Variants in ITM2C observed in about 807,000 individuals in gnomAD.
ITM2C encodes the protein integral membrane protein 2C.
A neutral mutation model predicts 30.0 loss-of-function variants in ITM2C; 20 were observed. The ratio of observed to expected loss-of-function variants is 0.67; its 90% confidence interval spans 0.47 to 0.97. The LOEUF is 0.97. Ranked by LOEUF, ITM2C falls within the 50% of genes least tolerant of loss-of-function variation. The pLI is 0.00. For synonymous variants in ITM2C, 167 were observed against 156.4 expected (o/e 1.07, Z -0.51); for missense variants, 366 against 371.9 (o/e 0.98, Z 0.13).
In ITM2C at chr2:230,878,892, G is replaced by A. The variant is rs144730701; in HGVS notation, c.*793G>A. On this transcript the variant is annotated 3_prime_UTR_variant, in exon 6 of 6. Transcript: ENST00000326427. This position sits in a 1 kb window ranked among gnomAD's most constrained non-coding sequence, Gnocchi z 4.5. ...CAGTCACGTCCACGGGGGACGAGCC[G>A]TGGGTTCTGCTGAGTAGGTGGAGCT... 2.8e-3 allele frequency: 431 copies of A among 152,654 alleles called. 2 individuals are homozygous for A. Among genetic ancestry groups the A allele is most frequent in the African/African-American group, 9.9e-3 (412 of 41,574 alleles). 9.5% of individuals were successfully genotyped at this position (152,654 alleles called of 1,614,324 possible).
At chr2:230,866,585 C>G (rs1197282658) in intron 1 of ITM2C, among the ~76,000 whole-genome samples, 4 of 152,048 alleles carry the variant, frequency 2.6e-5, no homozygotes, top group Non-Finnish European at 5.9e-5. Flanking sequence ...GCTGTGCACC[C>G]CATGAGAGCA....
Position 230,865,327 on chromosome 2 carries a change from T to A in ITM2C, c.120+182T>A. 1.7e-6 allele frequency: 1 copy of A among 593,444 alleles called. No individual in the cohort carries two copies. The highest frequency in any genetic ancestry group is 2.5e-6 in the Non-Finnish European group (1 of 403,836). 36.8% of individuals were successfully genotyped at this position (593,444 alleles called of 1,614,324 possible). A position where few individuals can be genotyped will look rare whatever the true frequency, so the allele number is the denominator to read the frequency against. On this transcript the variant is annotated intron_variant, in intron 1 of 5. Transcript: ENST00000326427. This position sits in a 1 kb window ranked among gnomAD's most constrained non-coding sequence, Gnocchi z 6.8. ...TGAGGAGGGGGCTTAAGTCCCGTAC[T>A]AAAGCGGCAGCCAAAAGCTGAAGTC...
Position 230,865,061 on chromosome 2 carries a change from C to A in ITM2C, c.36C>A (p.Gly12=). The A allele has an allele frequency of 6.5e-7, 1 of 1,534,316 alleles. No individual in the cohort carries two copies. The highest frequency in any genetic ancestry group is 8.8e-7 in the Non-Finnish European group (1 of 1,137,164). ...VKISFQPAVA[G]IKGDKADKAS... ...TTAGCTTCCAGCCCGCCGTGGCTGG[C>A]ATCAAGGGCGACAAGGCTGACAAGG... The change falls in exon 1 of 6, where the codon GGC becomes GGA. Residue 12 remains glycine (G), a synonymous_variant. Coordinates refer to ENST00000326427, the MANE Select transcript of ITM2C (RefSeq NM_030926.6). The surrounding 1 kb of genome is among the most constrained non-coding windows in gnomAD (Gnocchi z 6.8).
At chr2:230,871,988 C>T (rs537181988) in intron 1 of ITM2C, among the ~76,000 whole-genome samples, 8 of 152,218 alleles carry the variant, frequency 5.3e-5, no homozygotes, top group Non-Finnish European at 1.0e-4. Flanking sequence ...GTCACTTAGG[C>T]CTGAACCACC....
intron 1 of ITM2C, among the ~76,000 whole-genome samples, chr2:230,866,438 G>C (rs2125012862): frequency 6.6e-6 from 1 of 152,108 alleles, no homozygotes; most frequent in South Asian, 2.1e-4. Context: ...TCAGAGTTGG[G>C]TGTCAGCCTG....
intron 1 of ITM2C, among the ~76,000 whole-genome samples, chr2:230,867,663 A>AT (rs766636414): frequency 4.6e-5 from 3 of 65,862 alleles, no homozygotes; most frequent in Non-Finnish European, 8.1e-5. Flanking sequence ...ATTTTATTTT[A>AT]TTTTATTTTT....
At chr2:230,870,956 T>A (rs1697150661) in intron 1 of ITM2C, among the ~76,000 whole-genome samples, 1 of 152,112 alleles carries the variant, frequency 6.6e-6, no homozygotes, top group Admixed American at 6.5e-5. Flanking sequence ...GAAGCAAAAG[T>A]CTGGCCACAA....
Position 230,877,094 on chromosome 2 carries a change from G to T in ITM2C, c.561+127G>T, listed in dbSNP as rs1331439478. The stretch of plus-strand genomic sequence containing the variant: ...GTTGGGGGAGCAAGAGACATTGCTG[G>T]CACCTGGGCCCTGTACCCAGATTGG... On this transcript the variant is annotated intron_variant, in intron 4 of 5. Transcript: ENST00000326427. This position sits in a 1 kb window ranked among gnomAD's most constrained non-coding sequence, Gnocchi z 4.8. 2.8e-6 allele frequency: 2 copies of T among 716,790 alleles called. No homozygotes were observed. The highest frequency in any genetic ancestry group is 4.6e-5 in the Admixed American group (2 of 43,678). The allele number at this position is 716,790 out of a possible 1,614,324, so 44.4% of individuals were successfully genotyped here.
chr2:230,865,362 G>A lies in ITM2C; in HGVS notation c.120+217G>A, dbSNP rs1697000497. 3 of 446,478 alleles carry A rather than the reference G, an allele frequency of 6.7e-6. No homozygotes were observed. Among genetic ancestry groups the A allele is most frequent in the Non-Finnish European group, 1.1e-5 (3 of 272,476 alleles). The allele number at this position is 446,478 out of a possible 1,614,324, so 27.7% of individuals were successfully genotyped here. ...GCCAAAAGCTGAAGTCCGAAGAGTG[G>A]GAGGCGTCTGGTTCTGGTCTTCAGG... is the stretch of plus-strand genomic sequence containing the variant. On this transcript the variant is annotated intron_variant, in intron 1 of 5. Coordinates refer to ENST00000326427, the MANE Select transcript of ITM2C (RefSeq NM_030926.6). The surrounding 1 kb of genome is among the most constrained non-coding windows in gnomAD (Gnocchi z 6.8).
Position 230,879,113 on chromosome 2 carries a change from C to T in ITM2C, c.*1014C>T, listed in dbSNP as rs993346905. On this transcript the variant is annotated 3_prime_UTR_variant, in exon 6 of 6. Coordinates refer to ENST00000326427, the MANE Select transcript of ITM2C (RefSeq NM_030926.6). ...ATTCGATATGCTAACCGTTCTCAGC[C>T]CTGAGCCTTGGAGAGGAGGGCTGTA... 1.3e-5 allele frequency: 2 copies of T among 152,630 alleles called. No individual in the cohort carries two copies. The highest frequency in any genetic ancestry group is 1.5e-5 in the Non-Finnish European group (1 of 68,038). 9.5% of individuals were successfully genotyped at this position (152,630 alleles called of 1,614,324 possible).
intron 1 of ITM2C, among the ~76,000 whole-genome samples, chr2:230,869,348 T>C (rs1268912562): frequency 2.0e-5 from 3 of 152,188 alleles, no homozygotes; most frequent in African/African-American, 7.2e-5. Flanking sequence ...GCAGATGGCA[T>C]CTGTGCCTCT....
At chr2:230,870,282 A>G (rs3098332) in intron 1 of ITM2C, among the ~76,000 whole-genome samples, 67,764 of 152,156 alleles carry the variant, frequency 0.45, 16,687 homozygotes, top group East Asian at 0.84. Context: ...GGGATTTAGG[A>G]GTTCTGCCTC....
At position 230,877,883 on chromosome 2, in the gene ITM2C, C is replaced by A; in HGVS notation, c.713-125C>A. 1.3e-6 allele frequency: 1 copy of A among 758,374 alleles called. No individual in the cohort carries two copies. The highest frequency in any genetic ancestry group is 1.8e-5 in the South Asian group (1 of 56,852). The allele number at this position is 758,374 out of a possible 1,614,324, so 47.0% of individuals were successfully genotyped here. A position where few individuals can be genotyped will look rare whatever the true frequency, so the allele number is the denominator to read the frequency against. On this transcript the variant is annotated intron_variant, in intron 5 of 5. Transcript: ENST00000326427. The surrounding 1 kb of genome is among the most constrained non-coding windows in gnomAD (Gnocchi z 4.8). Reference sequence around the variant, plus strand: ...CGAGCTCTCCCCATTTCTCACTGTGCTCTTTGGGTGAATCTGGGTGAATGG... The same window carrying A: ...CGAGCTCTCCCCATTTCTCACTGTGATCTTTGGGTGAATCTGGGTGAATGG...
intron 2 of ITM2C, among the ~76,000 whole-genome samples, chr2:230,874,015 C>A (rs1172202846): frequency 6.6e-6 from 1 of 152,240 alleles, no homozygotes. Flanking sequence ...CTTCCAGAAG[C>A]AGGAGTGTGT....
intron 3 of ITM2C, 63 bp downstream of exon 3, chr2:230,875,871 G>A (rs1697284303): frequency 1.6e-6 from 2 of 1,281,476 alleles, no homozygotes; most frequent in Admixed American, 1.9e-5. Context: ...CAGGGCAAGG[G>A]GAGCAGGGAT....
intron 1 of ITM2C, among the ~76,000 whole-genome samples, chr2:230,871,883 T>G (rs1442963274): frequency 6.6e-6 from 1 of 152,218 alleles, no homozygotes; most frequent in East Asian, 1.9e-4. Flanking sequence ...CACTCCCCTG[T>G]GCTCTAAAAG....
rs1697018402 is a variant in ITM2C, at chr2:230,865,963, A to ACCCCTGTCATCCCCCT, written c.120+824_120+839dup. On this transcript the variant is annotated intron_variant, in intron 1 of 5. Coordinates refer to ENST00000326427, the MANE Select transcript of ITM2C (RefSeq NM_030926.6). This position sits in a 1 kb window ranked among gnomAD's most constrained non-coding sequence, Gnocchi z 6.8. ...CCCCGGGCTCTGTGCGCGTTCCCCC[A>ACCCCTGTCATCCCCCT]CCCCTGTCATCCCCCTCCCCTACCC... is the stretch of plus-strand genomic sequence containing the variant. Among the ~76,000 whole-genome samples, 1 of 146,288 alleles carries ACCCCTGTCATCCCCCT rather than the reference A, an allele frequency of 6.8e-6. No homozygotes were observed.
chr2:230,872,214 G>T (rs1241433369), intron 1 of ITM2C, among the ~76,000 whole-genome samples: 1 of 152,222 alleles, frequency 6.6e-6, no homozygotes, highest in African/African-American at 2.4e-5. Flanking sequence ...GCGGCAGTCC[G>T]CAGGGACTGA....
upstream of ITM2C, chr2:230,864,744 CTG>C (rs1161472756): frequency 7.4e-6 from 1 of 135,032 alleles, no homozygotes; most frequent in African/African-American, 3.2e-5. This position sits in a 1 kb window ranked among gnomAD's most constrained non-coding sequence, Gnocchi z 4.3. Flanking sequence ...GAGTGAGTGA[CTG>C]TGCGAGCGAG....
Sources: gnomAD v4.1 joint callset for allele counts (sites outside exome capture counted in the v4.1 genomes callset) on GRCh38, gnomAD v4.1.1 for gene constraint, Gnocchi (gnomAD v3.1) non-coding constraint, MANE v1.5 for transcripts, NCBI Gene and HGNC (gene_info 2026-07-23, HGNC 2026-07-21) for gene names.